Variants in OPCML observed in about 807,000 individuals in gnomAD.
OPCML encodes opioid binding protein/cell adhesion molecule like, also known as opioid-binding protein/cell adhesion molecule.
In OPCML, 13 loss-of-function variants were observed where a neutral mutation model predicts 37.8. That is an observed-to-expected ratio of 0.34 (90% confidence interval 0.22 to 0.55). The LOEUF is 0.55. Ranked by LOEUF, OPCML falls within the 20% of genes least tolerant of loss-of-function variation. OPCML has a pLI of 0.91. For missense variants in OPCML, 341 were observed against 435.6 expected (o/e 0.78, Z 1.93); for synonymous variants, 176 against 168.8 (o/e 1.04, Z -0.33).
chr11:133,383,390 C>G (rs1440606664), intron 1 of OPCML, among the ~76,000 whole-genome samples: 2 of 152,128 alleles, frequency 1.3e-5, no homozygotes, highest in Admixed American at 1.3e-4. Context: ...GGTAACTTGC[C>G]CAAGGCCATA....
chr11:132,900,687 A>G (rs924432941), intron 2 of OPCML, among the ~76,000 whole-genome samples: 7 of 152,030 alleles, frequency 4.6e-5, no homozygotes, highest in Non-Finnish European at 5.9e-5. Context: ...TTCCTGCCCT[A>G]TGGGCTCTGC....
At chr11:132,773,929 C>T (rs990952304) in intron 2 of OPCML, among the ~76,000 whole-genome samples, 3 of 152,176 alleles carry the variant, frequency 2.0e-5, no homozygotes, top group South Asian at 2.1e-4. Flanking sequence ...TGCACATGCA[C>T]ATTTTAATTG....
chr11:133,210,330 A>G (rs577009906), intron 1 of OPCML, among the ~76,000 whole-genome samples: 1 of 152,204 alleles, frequency 6.6e-6, no homozygotes, highest in East Asian at 1.9e-4. Flanking sequence ...GGACATGATA[A>G]TAAAGAAAAT....
At chr11:132,464,985 C>T (rs958965519) in intron 4 of OPCML, among the ~76,000 whole-genome samples, 6 of 152,142 alleles carry the variant, frequency 3.9e-5, no homozygotes, top group African/African-American at 7.2e-5. Context: ...ATATACATAT[C>T]GATCTTTTTT....
chr11:132,920,351 A>G (rs974531750), intron 2 of OPCML, among the ~76,000 whole-genome samples: 2 of 152,230 alleles, frequency 1.3e-5, no homozygotes, highest in Non-Finnish European at 2.9e-5. Flanking sequence ...CTCCTGGTGC[A>G]GCTTCCTTCC....
intron 1 of OPCML, among the ~76,000 whole-genome samples, chr11:132,983,201 T>C (rs994593211): frequency 2.0e-5 from 3 of 152,290 alleles, no homozygotes; most frequent in Admixed American, 1.3e-4. Flanking sequence ...GCTAAAGCCA[T>C]GGCCCGGTGA....
At chr11:133,141,855 A>T (rs1343905069) in intron 1 of OPCML, among the ~76,000 whole-genome samples, 4 of 152,176 alleles carry the variant, frequency 2.6e-5, no homozygotes, top group Admixed American at 1.3e-4. Flanking sequence ...ATTTCAATCT[A>T]TCAACAAATC....
At chr11:133,081,944 G>A (rs1948724735) in intron 1 of OPCML, among the ~76,000 whole-genome samples, 1 of 151,972 alleles carries the variant, frequency 6.6e-6, no homozygotes, top group Non-Finnish European at 1.5e-5. Context: ...GCATCCCAAC[G>A]GGAGCGCGGT....
At chr11:132,822,361 G>C (rs1940047140) in intron 2 of OPCML, among the ~76,000 whole-genome samples, 1 of 152,054 alleles carries the variant, frequency 6.6e-6, no homozygotes, top group African/African-American at 2.4e-5. Flanking sequence ...GTAAATGCAT[G>C]AATAACTTCT....
chr11:132,948,266 G>A (rs1945788776), intron 1 of OPCML, among the ~76,000 whole-genome samples: 1 of 152,250 alleles, frequency 6.6e-6, no homozygotes, highest in South Asian at 2.1e-4. Flanking sequence ...GGAGGCACCA[G>A]GGTTGGTCAG....
chr11:133,461,822 A>G (rs562146977), intron 1 of OPCML, among the ~76,000 whole-genome samples: 1 of 152,012 alleles, frequency 6.6e-6, no homozygotes, highest in East Asian at 1.9e-4. Flanking sequence ...CCAATAGTCA[A>G]TATAATAATG....
chr11:132,473,125 T>C (rs556079030), intron 4 of OPCML, among the ~76,000 whole-genome samples: 179 of 152,284 alleles, frequency 1.2e-3, no homozygotes, highest in African/African-American at 4.0e-3. Flanking sequence ...ACTCTTCCAT[T>C]AAGGACAAGG....
In OPCML at chr11:133,445,736, G is replaced by A. The variant is rs1946461148; in HGVS notation, c.61+86528C>T. On this transcript the variant is annotated intron_variant, in intron 1 of 7. Coordinates refer to ENST00000524381, the MANE Select transcript of OPCML (RefSeq NM_001012393.5). ...GGCTAAGAAAGTTGTCCTTGAACTG[G>A]CTTTCTATGCACTCCAGAGTACATT... Among the ~76,000 whole-genome samples, 2 of 152,166 alleles carry A rather than the reference G, an allele frequency of 1.3e-5. 1 individual carries two copies. The highest frequency in any genetic ancestry group is 2.9e-5 in the Non-Finnish European group (2 of 68,020).
At chr11:132,899,370 T>A (rs1315828491) in intron 2 of OPCML, among the ~76,000 whole-genome samples, 3 of 151,720 alleles carry the variant, frequency 2.0e-5, no homozygotes, top group Non-Finnish European at 4.4e-5. Context: ...TTATTATGTA[T>A]AATAAGATTT....
At chr11:133,257,670 C>T (rs1188816254) in intron 1 of OPCML, among the ~76,000 whole-genome samples, 4 of 152,166 alleles carry the variant, frequency 2.6e-5, no homozygotes, top group Admixed American at 6.5e-5. Context: ...TTTGTTGCAA[C>T]GTATCTTGTC....
intron 3 of OPCML, among the ~76,000 whole-genome samples, chr11:132,635,967 C>G (rs1006093532): frequency 2.0e-5 from 3 of 149,714 alleles, no homozygotes; most frequent in Non-Finnish European, 4.4e-5. Flanking sequence ...TGAAAATACT[C>G]CCCCCCGGAT....
intron 1 of OPCML, among the ~76,000 whole-genome samples, chr11:133,510,044 G>T (rs964940410): frequency 6.6e-6 from 1 of 152,154 alleles, no homozygotes; most frequent in African/African-American, 2.4e-5. Flanking sequence ...CTACAGGCTT[G>T]CTTACCATCT....
At chr11:133,437,954 T>C (rs1318199412) in intron 1 of OPCML, among the ~76,000 whole-genome samples, 2 of 151,714 alleles carry the variant, frequency 1.3e-5, no homozygotes, top group Admixed American at 6.6e-5. Flanking sequence ...AATTTTGCCA[T>C]CCATAAATAC....
intron 2 of OPCML, among the ~76,000 whole-genome samples, chr11:132,696,911 A>G (rs1943620547): frequency 6.6e-6 from 1 of 152,234 alleles, no homozygotes; most frequent in South Asian, 2.1e-4. Context: ...TTAATGAAAA[A>G]TGATTCATAT....
Sources: gnomAD v4.1 joint callset for allele counts (sites outside exome capture counted in the v4.1 genomes callset) on GRCh38, gnomAD v4.1.1 for gene constraint, MANE v1.5 for transcripts, NCBI Gene and HGNC (gene_info 2026-07-23, HGNC 2026-07-21) for gene names.